The following PRKCB variants were observed in gnomAD, a reference collection of about 807,000 sequenced individuals.
PRKCB encodes the protein protein kinase C beta.
A neutral mutation model predicts 81.5 loss-of-function variants in PRKCB; 13 were observed. The ratio of observed to expected loss-of-function variants is 0.16; its 90% CI spans 0.10 to 0.25. The LOEUF (loss-of-function observed/expected upper bound fraction) is 0.25. Among genes scored for constraint, PRKCB ranks in the 10% least tolerant of loss-of-function variants. The pLI is 1.00. For missense variants in PRKCB, 509 were observed against 875.7 expected (o/e 0.58, Z 5.29); for synonymous variants, 335 against 321.4 (o/e 1.04, Z -0.45).
chr16:24,017,892 ATTTTTTTTT>A (rs35809970), intron 3 of PRKCB, among the ~76,000 whole-genome samples: 51 of 113,264 alleles, frequency 4.5e-4, no homozygotes, highest in African/African-American at 2.1e-4. Flanking sequence ...ACCATAACTA[ATTTTTTTTT>A]TTTTTTTTTT....
intron 9 of PRKCB, among the ~76,000 whole-genome samples, chr16:24,150,528 A>G (rs1296345365): frequency 1.3e-5 from 2 of 152,186 alleles, no homozygotes; most frequent in Non-Finnish European, 2.9e-5. Context: ...CCACTGCCCA[A>G]TCAGAAGGTT....
intron 12 of PRKCB, among the ~76,000 whole-genome samples, chr16:24,179,459 C>T (rs138636388): frequency 1.4e-4 from 21 of 152,334 alleles, no homozygotes; most frequent in Admixed American, 7.8e-4. Flanking sequence ...CTCAGGAAAT[C>T]GGATTTCCCC....
intron 2 of PRKCB, among the ~76,000 whole-genome samples, chr16:23,971,527 G>A (rs1435109629): frequency 6.6e-6 from 1 of 152,204 alleles, no homozygotes; most frequent in East Asian, 1.9e-4. Flanking sequence ...TTTTGTCTGA[G>A]TTAAGCCAAA....
intron 3 of PRKCB, among the ~76,000 whole-genome samples, chr16:24,000,570 T>A (rs1596505210): frequency 1.3e-5 from 2 of 152,190 alleles, no homozygotes; most frequent in East Asian, 3.8e-4. Flanking sequence ...GTGATAATTT[T>A]AAAAATATTT....
At chr16:24,032,275 CT>C in intron 4 of PRKCB, 28 bp downstream of exon 4, 1 of 1,506,400 alleles carries the variant, frequency 6.6e-7, no homozygotes, top group Non-Finnish European at 9.2e-7. Context: ...CTGGGGGCAT[CT>C]GCTGATGGCA....
At chr16:23,880,411 C>T (rs1963087917) in intron 2 of PRKCB, among the ~76,000 whole-genome samples, 1 of 152,152 alleles carries the variant, frequency 6.6e-6, no homozygotes, top group African/African-American at 2.4e-5. Flanking sequence ...GCCTTTGTCT[C>T]TGTGATTCTG....
intron 3 of PRKCB, among the ~76,000 whole-genome samples, chr16:24,008,452 G>C (rs943070562): frequency 6.6e-6 from 1 of 152,236 alleles, no homozygotes; most frequent in African/African-American, 2.4e-5. Flanking sequence ...TTGGAATCAA[G>C]GGTGCTGGTT....
At chr16:24,033,486 G>T (rs985833546) in intron 4 of PRKCB, among the ~76,000 whole-genome samples, 1 of 152,170 alleles carries the variant, frequency 6.6e-6, no homozygotes, top group Non-Finnish European at 1.5e-5. Flanking sequence ...GATAAGCCAG[G>T]TGCAGTGGTT....
intron 9 of PRKCB, among the ~76,000 whole-genome samples, chr16:24,147,260 A>C: frequency 6.7e-6 from 1 of 150,134 alleles, no homozygotes; most frequent in East Asian, 2.0e-4. Context: ...GTGAGCCGAG[A>C]TCGCACCACT....
intron 10 of PRKCB, among the ~76,000 whole-genome samples, chr16:24,162,387 C>G (rs947512591): frequency 2.6e-5 from 4 of 151,864 alleles, no homozygotes; most frequent in Admixed American, 2.6e-4. Context: ...ACAGAACACC[C>G]CTTCCCCTGC....
intron 3 of PRKCB, chr16:24,031,889 C>T (rs1965555056): frequency 3.2e-6 from 1 of 316,678 alleles, no homozygotes; most frequent in South Asian, 6.6e-5. Context: ...GGAGGGTTTG[C>T]AGGCAGGGTG....
At chr16:24,055,391 C>T (rs1410447620) in intron 5 of PRKCB, among the ~76,000 whole-genome samples, 1 of 152,224 alleles carries the variant, frequency 6.6e-6, no homozygotes, top group Non-Finnish European at 1.5e-5. Context: ...CTGGAACTGA[C>T]TGCTATTGTC....
intron 5 of PRKCB, among the ~76,000 whole-genome samples, chr16:24,064,160 G>A (rs1468520474): frequency 6.6e-6 from 1 of 151,740 alleles, no homozygotes; most frequent in African/African-American, 2.4e-5. Context: ...GGGAAAGCAA[G>A]TAGGTAAAGG....
At chr16:24,140,238 G>A (rs993350284) in intron 9 of PRKCB, among the ~76,000 whole-genome samples, 1 of 152,152 alleles carries the variant, frequency 6.6e-6, no homozygotes, top group Admixed American at 6.5e-5. Flanking sequence ...CAGAATTAGG[G>A]CCTTCAAGAT....
chr16:24,106,386 T>C (rs1037970933), intron 7 of PRKCB, among the ~76,000 whole-genome samples: 45 of 152,138 alleles, frequency 3.0e-4, no homozygotes, highest in Admixed American at 2.0e-4. Flanking sequence ...TATAAGAAAT[T>C]GGAGAATTTC....
At chr16:24,000,646 G>C (rs1379673943) in intron 3 of PRKCB, among the ~76,000 whole-genome samples, 3 of 152,136 alleles carry the variant, frequency 2.0e-5, no homozygotes, top group Admixed American at 2.0e-4. Context: ...AAAGCGCTTG[G>C]CACAGTGCAT....
intron 9 of PRKCB, among the ~76,000 whole-genome samples, chr16:24,137,133 T>A (rs186271914): frequency 3.3e-5 from 5 of 151,798 alleles, no homozygotes; most frequent in African/African-American, 1.2e-4. Flanking sequence ...AAATGATCCA[T>A]CTGCCTTGGC....
At chr16:24,059,036 G>A (rs1453760765) in intron 5 of PRKCB, among the ~76,000 whole-genome samples, 3 of 152,322 alleles carry the variant, frequency 2.0e-5, no homozygotes, top group South Asian at 2.1e-4. Flanking sequence ...GATAGTGAGC[G>A]TGATAGCCAA....
At chr16:23,903,663 T>A (rs1017935940) in intron 2 of PRKCB, among the ~76,000 whole-genome samples, 1 of 152,128 alleles carries the variant, frequency 6.6e-6, no homozygotes, top group African/African-American at 2.4e-5. Flanking sequence ...AGTGGAATTG[T>A]TCTTGGAGAT....
Sources: gnomAD v4.1 joint callset for allele counts (sites outside exome capture counted in the v4.1 genomes callset) on GRCh38, gnomAD v4.1.1 for gene constraint, MANE v1.5 for transcripts, NCBI Gene and HGNC (gene_info 2026-07-23, HGNC 2026-07-21) for gene names.